Variants in TUSC3 observed in about 807,000 individuals in gnomAD.
TUSC3 encodes dolichyl-diphosphooligosaccharide--protein glycosyltransferase subunit TUSC3.
A neutral mutation model predicts 44.8 loss-of-function variants in TUSC3; 45 were observed. The ratio of observed to expected loss-of-function variants is 1.00; its 90% CI spans 0.79 to 1.29. The LOEUF is 1.29. TUSC3 is among the 50% of genes most tolerant of loss of function. The pLI is 0.00. For synonymous variants in TUSC3, 212 were observed against 152.9 expected (o/e 1.39, Z -2.85); for missense variants, 519 against 437.9 (o/e 1.19, Z -1.65).
intron 2 of TUSC3, among the ~76,000 whole-genome samples, chr8:15,495,017 T>A (rs1044070822): frequency 1.3e-5 from 2 of 152,236 alleles, no homozygotes; most frequent in Non-Finnish European, 2.9e-5. Flanking sequence ...TGGTTTGCTG[T>A]TTCTGCATGA....
the TUSC3 span, among the ~76,000 whole-genome samples, chr8:15,838,712 C>T: frequency 3.9e-5 from 6 of 152,102 alleles, no homozygotes; most frequent in African/African-American, 1.4e-4. Flanking sequence ...TTCCATTGGT[C>T]TATATCTCTG....
At chr8:15,817,660 C>T in the TUSC3 span, among the ~76,000 whole-genome samples, 1 of 152,122 alleles carries the variant, frequency 6.6e-6, no homozygotes, top group African/African-American at 2.4e-5. Flanking sequence ...GTTTGCTTCC[C>T]CTTCCACCAT....
At chr8:15,525,542 AG>A in intron 2 of TUSC3, among the ~76,000 whole-genome samples, 1 of 152,342 alleles carries the variant, frequency 6.6e-6, no homozygotes, top group Middle Eastern at 3.4e-3. Flanking sequence ...CATAAACAAA[AG>A]CTCTTTGGCT....
the TUSC3 span, among the ~76,000 whole-genome samples, chr8:15,843,395 C>T: frequency 3.3e-5 from 5 of 151,996 alleles, no homozygotes; most frequent in African/African-American, 9.7e-5. Context: ...TTAAGAAATT[C>T]TGCAGAATGT....
chr8:15,783,066 G>A, the TUSC3 span, among the ~76,000 whole-genome samples: 1 of 152,062 alleles, frequency 6.6e-6, no homozygotes, highest in African/African-American at 2.4e-5. Flanking sequence ...CACTAACAAT[G>A]AACTATCTGA....
intron 3 of TUSC3, among the ~76,000 whole-genome samples, chr8:15,657,877 GA>G (rs1176161100): frequency 6.6e-6 from 1 of 152,172 alleles, no homozygotes; most frequent in Non-Finnish European, 1.5e-5. Context: ...GCTAGAGGCT[GA>G]AAGTCCAATA....
chr8:15,785,787 G>C, the TUSC3 span, among the ~76,000 whole-genome samples: 1 of 151,340 alleles, frequency 6.6e-6, no homozygotes, highest in East Asian at 2.0e-4. Flanking sequence ...AAGCATTCTA[G>C]CTACCATAAT....
chr8:15,453,283 A>G (rs1250239250), intron 1 of TUSC3, among the ~76,000 whole-genome samples: 1 of 152,162 alleles, frequency 6.6e-6, no homozygotes, highest in Admixed American at 6.6e-5. Context: ...ATGTCTGCAA[A>G]CCATGAAAGC....
intron 1 of TUSC3, among the ~76,000 whole-genome samples, chr8:15,604,785 C>A (rs913840031): frequency 1.8e-4 from 27 of 146,126 alleles, no homozygotes; most frequent in Admixed American, 1.6e-3. Context: ...TCTGCAGTAA[C>A]TTAATAGCCC....
intron 7 of TUSC3, among the ~76,000 whole-genome samples, chr8:15,734,180 G>A (rs1810839283): frequency 6.6e-6 from 1 of 152,136 alleles, no homozygotes; most frequent in Admixed American, 6.5e-5. Context: ...AATACCAGAT[G>A]ATTACTTTTC....
At position 15,513,288 on chromosome 8, in the gene TUSC3, T is replaced by C. The variant is rs529309132; in HGVS notation, n.189+29805T>C. ...CAGTAGATAAGCAACTTGACTATAGTCATGGGTAAAAAAAACTTACTCATA... is the reference window on the plus strand; with the variant it reads ...CAGTAGATAAGCAACTTGACTATAGCCATGGGTAAAAAAAACTTACTCATA... On this transcript the variant is annotated intron_variant and non_coding_transcript_variant, in intron 2 of 5. Coordinates refer to the TUSC3 transcript ENST00000503191. 5.9e-5 allele frequency among the ~76,000 whole-genome samples: 9 copies of C among 152,216 alleles called. No homozygotes were observed. The South Asian group carries it at 1.9e-3, about 32-fold the overall frequency.
intron 2 of TUSC3, among the ~76,000 whole-genome samples, chr8:15,648,757 G>C (rs371066226): frequency 4.7e-5 from 2 of 42,300 alleles, no homozygotes; most frequent in Non-Finnish European, 1.0e-4. Flanking sequence ...AAAAAAAAAA[G>C]ACATCTCCTG....
intron 1 of TUSC3, among the ~76,000 whole-genome samples, chr8:15,450,051 A>G (rs1367995520): frequency 6.6e-6 from 1 of 152,082 alleles, no homozygotes; most frequent in Non-Finnish European, 1.5e-5. Flanking sequence ...CAACAACAAA[A>G]TTGCCTAACA....
chr8:15,429,868 C>A (rs1241834695), intron 1 of TUSC3, among the ~76,000 whole-genome samples: 1 of 151,776 alleles, frequency 6.6e-6, no homozygotes, highest in Admixed American at 6.6e-5. Context: ...TGCAAATAAA[C>A]TAGAAAATCT....
chr8:15,745,600 T>G (rs973541430), intron 8 of TUSC3, among the ~76,000 whole-genome samples: 2 of 152,084 alleles, frequency 1.3e-5, no homozygotes, highest in Non-Finnish European at 2.9e-5. Context: ...CTTGTCTGTC[T>G]TTTAAGAAAT....
At chr8:15,664,425 A>G (rs572893474) in intron 5 of TUSC3, among the ~76,000 whole-genome samples, 1 of 146,578 alleles carries the variant, frequency 6.8e-6, no homozygotes, top group Admixed American at 7.0e-5. Context: ...AACCTCTGCT[A>G]TGTTATACAG....
intron 1 of TUSC3, among the ~76,000 whole-genome samples, chr8:15,619,343 A>T (rs1027937131): frequency 2.0e-5 from 3 of 152,196 alleles, no homozygotes; most frequent in African/African-American, 7.2e-5. Flanking sequence ...AATCAAATAT[A>T]ATACATGCTT....
At chr8:15,717,016 A>G (rs12546870) in intron 6 of TUSC3, among the ~76,000 whole-genome samples, 4,662 of 152,146 alleles carry the variant, frequency 0.031, 93 homozygotes, top group Non-Finnish European at 0.043. Flanking sequence ...TGAAGGATGT[A>G]TTTGAAACCA....
At chr8:15,828,617 C>A in the TUSC3 span, among the ~76,000 whole-genome samples, 814 of 152,266 alleles carry the variant, frequency 5.3e-3, 6 homozygotes, top group African/African-American at 0.018. Context: ...GCTTTTGGAT[C>A]AAGAAAGAAT....
Sources: gnomAD v4.1 joint callset for allele counts (sites outside exome capture counted in the v4.1 genomes callset) on GRCh38, gnomAD v4.1.1 for gene constraint, MANE v1.5 for transcripts, NCBI Gene and HGNC (gene_info 2026-07-23, HGNC 2026-07-21) for gene names.